The following MIGA1 variants were observed in gnomAD, a reference collection of about 807,000 sequenced individuals.
MIGA1 encodes the protein mitoguardin 1.
MIGA1 carries 58 observed loss-of-function variants against 82.0 expected under a neutral mutation model. The ratio of observed to expected loss-of-function variants is 0.71; its 90% CI spans 0.57 to 0.88. The LOEUF is 0.88. Among genes scored for constraint, MIGA1 ranks in the 40% least tolerant of loss-of-function variants. MIGA1 has a pLI of 0.00. For synonymous variants in MIGA1, 249 were observed against 253.6 expected, an observed-to-expected ratio of 0.98 and a Z score of 0.17; for missense variants, 751 against 749.1, an observed-to-expected ratio of 1.00 and a Z score of -0.03.
chr1:77,820,811 G>A (rs1683777366), intron 7 of MIGA1, among the ~76,000 whole-genome samples: 1 of 152,122 alleles, frequency 6.6e-6, no homozygotes, highest in Admixed American at 6.5e-5. Context: ...GAACTAGAAG[G>A]TAATTTGCCT....
chr1:77,849,802 C>T (rs749587090), intron 8 of MIGA1, among the ~76,000 whole-genome samples: 2 of 151,802 alleles, frequency 1.3e-5, no homozygotes, highest in Admixed American at 6.6e-5. Flanking sequence ...TTTGGGAGAC[C>T]GAGATGGGTG....
intron 7 of MIGA1, among the ~76,000 whole-genome samples, chr1:77,816,579 C>T (rs1683580388): frequency 2.0e-5 from 3 of 152,072 alleles, no homozygotes; most frequent in South Asian, 4.1e-4. Context: ...TCTTTGGTCT[C>T]TGCTTTGTCG....
At chr1:77,873,869 A>G (rs1010193956) in intron 15 of MIGA1, among the ~76,000 whole-genome samples, 13 of 152,220 alleles carry the variant, frequency 8.5e-5, no homozygotes, top group African/African-American at 3.1e-4. Context: ...ACTGTCATTC[A>G]GAACACGTTG....
At chr1:77,858,124 C>T (rs964907055) in intron 8 of MIGA1, among the ~76,000 whole-genome samples, 1 of 151,942 alleles carries the variant, frequency 6.6e-6, no homozygotes, top group Admixed American at 6.6e-5. Flanking sequence ...CTGAGGCAGG[C>T]GGATCACTTG....
rs995816454 is a variant in MIGA1, at chr1:77,810,512, G to A, written c.638-3222G>A. Among the ~76,000 whole-genome samples the A allele has an allele frequency of 9.8e-4, 148 of 151,274 alleles. 1 individual carries two copies. Among genetic ancestry groups the A allele is most frequent in the African/African-American group, 3.4e-3 (141 of 41,262 alleles). On this transcript the variant is annotated intron_variant, in intron 5 of 15. Transcript: ENST00000370791. Reference sequence around the variant, plus strand: ...GTGTAAACTCTAGCACATTCTTATTGCTGTATTAAGTCTGAAGATGAGCAC... The same window carrying A: ...GTGTAAACTCTAGCACATTCTTATTACTGTATTAAGTCTGAAGATGAGCAC...
At chr1:77,874,380 C>T (rs966726765) in intron 15 of MIGA1, among the ~76,000 whole-genome samples, 7 of 151,016 alleles carry the variant, frequency 4.6e-5, no homozygotes, top group Non-Finnish European at 1.0e-4. Flanking sequence ...AAAATTATAA[C>T]GTATTATTTT....
intron 7 of MIGA1, among the ~76,000 whole-genome samples, chr1:77,831,202 G>T (rs1053780106): frequency 2.6e-5 from 4 of 152,158 alleles, no homozygotes; most frequent in Non-Finnish European, 2.9e-5. Flanking sequence ...GTTATCTGCA[G>T]CTGTTTTTTG....
intron 12 of MIGA1, 123 bp downstream of exon 12, chr1:77,861,445 T>C (rs1231506508): frequency 1.9e-5 from 12 of 637,702 alleles, no homozygotes; most frequent in Admixed American, 9.4e-5. Context: ...GTGGGACATC[T>C]TTTTTTCTGA....
intron 7 of MIGA1, among the ~76,000 whole-genome samples, chr1:77,836,432 T>TA (rs924046770): frequency 1.3e-4 from 19 of 151,958 alleles, no homozygotes; most frequent in African/African-American, 3.1e-4. Context: ...AACTGAGTAT[T>TA]AAAAAAAATG....
At chr1:77,830,594 G>A (rs534422151) in intron 7 of MIGA1, among the ~76,000 whole-genome samples, 16 of 151,416 alleles carry the variant, frequency 1.1e-4, no homozygotes, top group East Asian at 7.8e-4. Flanking sequence ...CCCCCTCCCC[G>A]CAACCCTGCC....
rs933539734 is a variant in MIGA1, at chr1:77,841,586, A to G, written c.896-1721A>G. ...GCTTTGAATAAAAAAAAAAACCCAT[A>G]CTTCCTGGGTAGAGTCACAAGTTGT... On this transcript the variant is annotated intron_variant, in intron 7 of 15. Transcript: ENST00000370791. Among the ~76,000 whole-genome samples, 51 of 151,278 alleles carry G rather than the reference A, an allele frequency of 3.4e-4. 1 individual carries two copies. The highest frequency in any genetic ancestry group is 1.2e-3 in the African/African-American group (48 of 41,274).
chr1:77,819,921 AC>A (rs1338746692), intron 7 of MIGA1, among the ~76,000 whole-genome samples: 2 of 152,008 alleles, frequency 1.3e-5, no homozygotes, highest in African/African-American at 4.8e-5. Context: ...GTATTGACTT[AC>A]CACTTATAGG....
rs1439791839 is a variant in MIGA1, at chr1:77,849,466, G to C, written c.996+6059G>C. Among the ~76,000 whole-genome samples, 4 of 152,092 alleles carry C rather than the reference G, an allele frequency of 2.6e-5. No individual in the cohort carries two copies. The South Asian group carries it at 8.3e-4, about 31-fold the overall frequency. Reference sequence around the variant, plus strand: ...GTTGGTTTTGTTGCACGAGCTGTTTGTTTTATAAATATTGTATTTCAGATA... The same window carrying C: ...GTTGGTTTTGTTGCACGAGCTGTTTCTTTTATAAATATTGTATTTCAGATA... On this transcript the variant is annotated intron_variant, in intron 8 of 15. Coordinates refer to ENST00000370791, the MANE Select transcript of MIGA1 (RefSeq NM_198549.4).
At chr1:77,861,064 T>C in intron 11 of MIGA1, 160 bp from the exon 12 acceptor site, 1 of 520,804 alleles carries the variant, frequency 1.9e-6, no homozygotes, top group Admixed American at 3.8e-5. Flanking sequence ...AATGTTGCAA[T>C]AGCAAAGTAG....
At chr1:77,824,378 A>G (rs771829470) in intron 7 of MIGA1, among the ~76,000 whole-genome samples, 1 of 152,098 alleles carries the variant, frequency 6.6e-6, no homozygotes, top group Non-Finnish European at 1.5e-5. Context: ...TCTGGACAAC[A>G]TAGCGAGATC....
At chr1:77,842,557 T>C (rs929758463) in intron 7 of MIGA1, among the ~76,000 whole-genome samples, 2 of 152,184 alleles carry the variant, frequency 1.3e-5, no homozygotes, top group African/African-American at 4.8e-5. Flanking sequence ...TTTTTGTTGT[T>C]GTTGTTTTGA....
At chr1:77,808,986 C>T (rs1467884225) in intron 5 of MIGA1, among the ~76,000 whole-genome samples, 1 of 152,106 alleles carries the variant, frequency 6.6e-6, no homozygotes, top group African/African-American at 2.4e-5. Context: ...TGTCATGTAC[C>T]TGTAGTCTTA....
At chr1:77,797,359 GTATTGA>G (rs1682699133) in intron 2 of MIGA1, among the ~76,000 whole-genome samples, 1 of 152,162 alleles carries the variant, frequency 6.6e-6, no homozygotes, top group Non-Finnish European at 1.5e-5. Context: ...CTATTCTACT[GTATTGA>G]TCTATACGTC....
chr1:77,862,565 A>T (rs1410223086), intron 12 of MIGA1, among the ~76,000 whole-genome samples: 1 of 152,206 alleles, frequency 6.6e-6, no homozygotes, highest in Non-Finnish European at 1.5e-5. Flanking sequence ...AGCCTGACCA[A>T]CATGGTGAAA....
Sources: allele counts gnomAD v4.1 joint callset (sites outside exome capture counted in the v4.1 genomes callset), GRCh38; gene constraint gnomAD v4.1.1; transcripts MANE v1.5; gene names NCBI Gene and HGNC (gene_info 2026-07-23, HGNC 2026-07-21).